The following CYSLTR2 variants were observed in gnomAD, a reference collection of about 807,000 sequenced individuals.
CYSLTR2 encodes cysteinyl leukotriene receptor 2.
For synonymous variants in CYSLTR2, 179 were observed against 160.8 expected (o/e 1.11, Z -0.86); for missense variants, 398 against 411.9 (o/e 0.97, Z 0.29).
rs1954606331 is a variant in CYSLTR2 at position 48,710,397 on chromosome 13, G to T, written c.*2539G>T. 6.6e-6 allele frequency: 1 copy of T among 152,120 alleles called. No individual in the cohort carries two copies. The highest frequency in any genetic ancestry group is 2.1e-4 in the South Asian group (1 of 4,820). The allele number at this position is 152,120 out of a possible 1,614,324, so 9.4% of individuals were successfully genotyped here. On this transcript the variant is annotated 3_prime_UTR_variant, in exon 5 of 5. Transcript: ENST00000682523. ...TGAGTCACTTAGTCATCATCCAGTT[G>T]CTCAGATCAACTGTTGTGGTATAAC...
At position 48,698,847 on chromosome 13, in the gene CYSLTR2, A is replaced by G. The variant is rs184301683; in HGVS notation, c.-2+2221A>G. 4.4e-3 allele frequency among the ~76,000 whole-genome samples: 669 copies of G among 152,202 alleles called. 3 individuals carry two copies. Among genetic ancestry groups the G allele is most frequent in the Middle Eastern group, 0.014 (4 of 294 alleles). On this transcript the variant is annotated intron_variant, in intron 4 of 4. Transcript: ENST00000682523. Reference sequence around the variant, plus strand: ...GGAAGATCTACCAAGCAAATGGAAAACAAAAAAAAGCAGGGGTTGCAATCC... The same window carrying G: ...GGAAGATCTACCAAGCAAATGGAAAGCAAAAAAAAGCAGGGGTTGCAATCC...
At chr13:48,683,429 G>C (rs948872083) in intron 1 of CYSLTR2, among the ~76,000 whole-genome samples, 1 of 152,128 alleles carries the variant, frequency 6.6e-6, no homozygotes, top group African/African-American at 2.4e-5. Context: ...ATTCTGACTG[G>C]TGTGAAATGT....
intron 1 of CYSLTR2, among the ~76,000 whole-genome samples, chr13:48,660,316 A>C (rs952582063): frequency 1.3e-5 from 2 of 152,202 alleles, no homozygotes; most frequent in Non-Finnish European, 2.9e-5. Context: ...GGGAGATAAC[A>C]GTAGATCTGC....
At chr13:48,683,504 A>G (rs1004504481) in intron 1 of CYSLTR2, among the ~76,000 whole-genome samples, 2 of 151,386 alleles carry the variant, frequency 1.3e-5, no homozygotes, top group Non-Finnish European at 2.9e-5. Flanking sequence ...TTTTTTTCAT[A>G]TGTTTATTGG....
intron 3 of CYSLTR2, among the ~76,000 whole-genome samples, chr13:48,695,407 T>TTC (rs1472487050): frequency 7.2e-4 from 71 of 98,342 alleles, no homozygotes; most frequent in African/African-American, 3.2e-3. Flanking sequence ...CTCTCTCTCT[T>TTC]TCTCTCTCTC....
intron 1 of CYSLTR2, among the ~76,000 whole-genome samples, chr13:48,687,332 C>CATCT (rs375041227): frequency 9.7e-4 from 147 of 151,968 alleles, no homozygotes; most frequent in African/African-American, 2.5e-3. Context: ...AATCTCCTCT[C>CATCT]ATCTATCTAT....
intron 1 of CYSLTR2, among the ~76,000 whole-genome samples, chr13:48,663,045 A>G (rs565186908): frequency 7.9e-5 from 12 of 152,128 alleles, no homozygotes; most frequent in African/African-American, 2.6e-4. Context: ...GTTTGGGCCT[A>G]GTTTCATTCT....
intron 1 of CYSLTR2, among the ~76,000 whole-genome samples, chr13:48,672,958 T>C (rs1953482612): frequency 6.6e-6 from 1 of 152,172 alleles, no homozygotes; most frequent in Admixed American, 6.5e-5. Flanking sequence ...GATTGCAATG[T>C]GGTCTGAGAC....
At chr13:48,675,538 G>A (rs1953570267) in intron 1 of CYSLTR2, among the ~76,000 whole-genome samples, 1 of 152,154 alleles carries the variant, frequency 6.6e-6, no homozygotes, top group Admixed American at 6.5e-5. Context: ...TGCTGTGCTG[G>A]CAGCAAGAAT....
intron 1 of CYSLTR2, among the ~76,000 whole-genome samples, chr13:48,679,995 C>A (rs373129205): frequency 2.0e-5 from 3 of 152,040 alleles, no homozygotes; most frequent in Non-Finnish European, 4.4e-5. Context: ...AGTTTTCCCC[C>A]TCTGTCTCAG....
chr13:48,707,408 G>C lies in CYSLTR2; in HGVS notation c.591G>C (p.Lys197Asn). The C allele has an allele frequency of 6.2e-7, 1 of 1,614,118 alleles. No individual in the cohort carries two copies. Among genetic ancestry groups the C allele is most frequent in the Non-Finnish European group, 8.5e-7 (1 of 1,180,020 alleles). The change falls in exon 5 of 5, where the codon AAG becomes AAC. Residue 197 changes from lysine (K) to asparagine (N), a missense_variant. Lys to Asn is a moderately conservative substitution (Grantham distance 94). Transcript: ENST00000682523. ...CLELNLYKIAKLQTMNYIALV... is the reference protein window; with the variant it reads ...CLELNLYKIANLQTMNYIALV... Reference sequence around the variant, plus strand: ...AGCTGAATCTCTATAAAATTGCTAAGCTGCAGACCATGAACTATATTGCCT... The same window carrying C: ...AGCTGAATCTCTATAAAATTGCTAACCTGCAGACCATGAACTATATTGCCT...
intron 1 of CYSLTR2, among the ~76,000 whole-genome samples, chr13:48,674,800 G>A (rs1953549472): frequency 6.6e-6 from 1 of 152,172 alleles, no homozygotes; most frequent in Non-Finnish European, 1.5e-5. Flanking sequence ...CTTTGGATGG[G>A]ATTTTTGCAC....
At chr13:48,680,680 C>A (rs1393602057) in intron 1 of CYSLTR2, among the ~76,000 whole-genome samples, 1 of 152,088 alleles carries the variant, frequency 6.6e-6, no homozygotes, top group Non-Finnish European at 1.5e-5. Context: ...CCCAGTTTCC[C>A]TTGAATTTGC....
intron 1 of CYSLTR2, among the ~76,000 whole-genome samples, chr13:48,679,510 T>C (rs1953692901): frequency 1.3e-5 from 2 of 152,176 alleles, no homozygotes; most frequent in Admixed American, 1.3e-4. Context: ...ACCACTAACT[T>C]GCAAGGGAAT....
At chr13:48,694,525 T>C (rs1954116853) in intron 3 of CYSLTR2, 1 of 152,212 alleles carries the variant, frequency 6.6e-6, no homozygotes, top group Admixed American at 6.5e-5. Context: ...AATAAACACA[T>C]TGCTGACAGT....
At chr13:48,689,442 G>A (rs975642089) in intron 1 of CYSLTR2, among the ~76,000 whole-genome samples, 1 of 152,158 alleles carries the variant, frequency 6.6e-6, no homozygotes, top group African/African-American at 2.4e-5. Flanking sequence ...AATGTGTAAG[G>A]AAGGAGTCCA....
chr13:48,694,146 G>A (rs981251437), intron 3 of CYSLTR2, among the ~76,000 whole-genome samples: 1 of 151,942 alleles, frequency 6.6e-6, no homozygotes, highest in African/African-American at 2.4e-5. Context: ...TTTGGGCAAA[G>A]GTCAATTGTC....
chr13:48,674,939 G>A (rs997747304), intron 1 of CYSLTR2, among the ~76,000 whole-genome samples: 3 of 152,178 alleles, frequency 2.0e-5, no homozygotes, highest in Non-Finnish European at 4.4e-5. Context: ...GTTTGCCTGG[G>A]TATCACCAGC....
chr13:48,680,119 G>T (rs1307862474), intron 1 of CYSLTR2, among the ~76,000 whole-genome samples: 1 of 152,156 alleles, frequency 6.6e-6, no homozygotes, highest in Non-Finnish European at 1.5e-5. Flanking sequence ...GGTCAGGGCA[G>T]CTCATTGTCT....
Sources: allele counts gnomAD v4.1 joint callset (sites outside exome capture counted in the v4.1 genomes callset), GRCh38; gene constraint gnomAD v4.1.1; transcripts MANE v1.5; gene names NCBI Gene and HGNC (gene_info 2026-07-23, HGNC 2026-07-21).